TECPR1: variants seen among roughly 807,000 people sequenced by gnomAD.
TECPR1 encodes tectonin beta-propeller repeat containing 1.
In TECPR1, 122 loss-of-function variants were observed where a neutral mutation model predicts 162.4. That is an observed-to-expected ratio of 0.75 (90% CI 0.65 to 0.87). The LOEUF (loss-of-function observed/expected upper bound fraction) is 0.87. Among genes scored for constraint, TECPR1 ranks in the 40% least tolerant of loss-of-function variants. TECPR1 has a pLI of 0.00. For synonymous variants in TECPR1, 642 were observed against 670.6 expected (o/e 0.96, Z 0.66); for missense variants, 1,432 against 1,618.2 (o/e 0.88, Z 1.97).
At position 98,244,709 on chromosome 7, in the gene TECPR1, A is replaced by T. The variant is rs1798856918; in HGVS notation, c.409-16T>A. 6.2e-7 allele frequency: 1 copy of T among 1,601,050 alleles called. No individual in the cohort carries two copies. The highest frequency in any genetic ancestry group is 8.5e-7 in the Non-Finnish European group (1 of 1,171,392). ...ACGTCCACCCCTGAAACACCAAGGA[A>T]GGGGCTCTCAGGCTCTGCGGGGAAG... On this transcript the variant is annotated splice_polypyrimidine_tract_variant and intron_variant, in intron 4 of 25. Coordinates refer to ENST00000447648, the MANE Select transcript of TECPR1 (RefSeq NM_015395.3).
rs371532016 is a variant in TECPR1 at position 98,233,518 on chromosome 7, C to A, written c.1575G>T (p.Pro525=). Residue 525 remains proline, a synonymous_variant, in exon 11 of 26, where the codon CCG becomes CCT. Transcript: ENST00000447648. ...LGLLPLGLEE[P]YGVDDHPLWA... is the part of the protein sequence containing the mutation. ...ACAGCGGGTGGTCATCCACCCCATA[C>A]GGCTCCTCCAAGCCCAGTGGGAGGA... The A allele has an allele frequency of 1.2e-5, 19 of 1,564,678 alleles. No individual in the cohort carries two copies. The highest frequency in any genetic ancestry group is 1.6e-5 in the Non-Finnish European group (18 of 1,159,062).
At chr7:98,226,666 G>A (rs1431118424) in intron 17 of TECPR1, 4 of 1,148,072 alleles carry the variant, frequency 3.5e-6, no homozygotes, top group Non-Finnish European at 4.4e-6. Context: ...AGTGGCTCTC[G>A]CCTGATGATG....
At chr7:98,227,528 TAG>T (rs1057141243) in intron 17 of TECPR1, among the ~76,000 whole-genome samples, 1 of 151,052 alleles carries the variant, frequency 6.6e-6, no homozygotes, top group African/African-American at 2.4e-5. Flanking sequence ...TCAATACAGT[TAG>T]AGACTTCTGA....
At position 98,237,104 on chromosome 7, in the gene TECPR1, C is replaced by G. The variant is rs148583152; in HGVS notation, c.1036-183G>C. 4.6e-3 allele frequency among the ~76,000 whole-genome samples: 703 copies of G among 152,042 alleles called. 5 individuals are homozygous for G. Among genetic ancestry groups the G allele is most frequent in the Non-Finnish European group, 6.8e-3 (464 of 67,984 alleles). ...ATACTGGAAGGGGGCTCAGGAGAAG[C>G]TGCGACCTGGTCCCGTCTCCCTGAC... is the stretch of plus-strand genomic sequence containing the variant. On this transcript the variant is annotated intron_variant, in intron 9 of 25. Coordinates refer to ENST00000447648, the MANE Select transcript of TECPR1 (RefSeq NM_015395.3).
chr7:98,236,110 C>T (rs373264195), intron 10 of TECPR1, among the ~76,000 whole-genome samples: 22 of 152,322 alleles, frequency 1.4e-4, no homozygotes, highest in African/African-American at 5.1e-4. Flanking sequence ...ATGTCCCCAG[C>T]TCATCCACTG....
At chr7:98,240,725 T>C in intron 8 of TECPR1, 126 bp downstream of exon 8, 2 of 776,398 alleles carry the variant, frequency 2.6e-6, no homozygotes, top group South Asian at 4.3e-5. Context: ...TGGGTTTTTC[T>C]TTTTTTTTAA....
Position 98,221,658 on chromosome 7 carries a change from T to C in TECPR1, c.3157+3A>G. ...TTAAAAATTTAAAAAAAGAGCAACTTGCCATTCTCATCCAGGGCATACACC... is the reference window on the plus strand; with the variant it reads ...TTAAAAATTTAAAAAAAGAGCAACTCGCCATTCTCATCCAGGGCATACACC... On this transcript the variant is annotated splice_donor_region_variant and intron_variant, in intron 23 of 25. Transcript: ENST00000447648. 6.2e-7 allele frequency: 1 copy of C among 1,612,448 alleles called. No homozygotes were observed.
chr7:98,238,786 C>T (rs1481606744), intron 8 of TECPR1, among the ~76,000 whole-genome samples, 176 bp from the exon 9 acceptor site: 1 of 152,182 alleles, frequency 6.6e-6, no homozygotes, highest in East Asian at 1.9e-4. Flanking sequence ...CCGCTCTTCC[C>T]ACACCCTGAC....
chr7:98,230,913 C>A, intron 15 of TECPR1, 48 bp downstream of exon 15: 2 of 1,575,248 alleles, frequency 1.3e-6, no homozygotes, highest in Non-Finnish European at 1.7e-6. Flanking sequence ...ACCACGAGCT[C>A]GGGGTGAGGC....
At chr7:98,228,405 T>C in intron 16 of TECPR1, 1 of 397,584 alleles carries the variant, frequency 2.5e-6, no homozygotes, top group Non-Finnish European at 4.8e-6. Flanking sequence ...CACCTTGCCC[T>C]CCTACTTAGC....
At position 98,229,023 on chromosome 7, in the gene TECPR1, T is replaced by C. The variant is rs760677174; in HGVS notation, c.2410+16A>G. ...ACGCCCAGGAAGGCTCCGGGGGGGC[T>C]GTGGGCCGCCCTCACCTTGGAAGCA... On this transcript the variant is annotated intron_variant, in intron 16 of 25. Coordinates refer to ENST00000447648, the MANE Select transcript of TECPR1 (RefSeq NM_015395.3). 1.9e-6 allele frequency: 3 copies of C among 1,598,120 alleles called. No homozygotes were observed. The highest frequency in any genetic ancestry group is 1.1e-5 in the South Asian group (1 of 89,538).
intron 19 of TECPR1, 53 bp downstream of exon 19, chr7:98,224,748 G>C: frequency 2.0e-6 from 3 of 1,509,970 alleles, no homozygotes; most frequent in Non-Finnish European, 2.7e-6. Flanking sequence ...ACACACTCCA[G>C]GGCCCTGACA....
rs774125724 is a variant in TECPR1 at position 98,225,977 on chromosome 7, C to T, written c.2514-875G>A. Among the ~76,000 whole-genome samples, 3 of 152,316 alleles carry T rather than the reference C, an allele frequency of 2.0e-5. No individual in the cohort carries two copies. In the South Asian group the frequency reaches 6.2e-4, roughly 32 times the overall value. On this transcript the variant is annotated intron_variant, in intron 17 of 25. Transcript: ENST00000447648. The stretch of plus-strand genomic sequence containing the variant: ...CTGTGGTACTTTGTTAGTACCACCA[C>T]AGGACACTCGAGTGGCAGGAAGCAG...
chr7:98,244,576 C>T lies in TECPR1; in HGVS notation c.526G>A (p.Ala176Thr), dbSNP rs756186417. ...YRRYKSRDIW[A>T]KIPSKDDPKE... Reference sequence around the variant, plus strand: ...CCACATTCAGGAACAGAGACCTTGGCCCAGATGTCCCGGGACTTGTATCTC... The same window carrying T: ...CCACATTCAGGAACAGAGACCTTGGTCCAGATGTCCCGGGACTTGTATCTC... The change falls in exon 5 of 26, where the codon GCC becomes ACC. Residue 176 changes from alanine (A) to threonine (T), a missense_variant. Transcript: ENST00000447648. 1.3e-5 allele frequency: 21 copies of T among 1,606,916 alleles called. No individual in the cohort carries two copies. Among genetic ancestry groups the T allele is most frequent in the Non-Finnish European group, 1.6e-5 (19 of 1,175,532 alleles).
At chr7:98,221,872 CCA>C in intron 22 of TECPR1, 119 bp from the exon 23 acceptor site, 1 of 737,666 alleles carries the variant, frequency 1.4e-6, no homozygotes, top group Non-Finnish European at 2.3e-6. Flanking sequence ...CAGCTGTGTG[CCA>C]CACAGAGCTG....
At chr7:98,222,569 C>T in intron 21 of TECPR1, 48 bp from the exon 22 acceptor site, 1 of 1,540,666 alleles carries the variant, frequency 6.5e-7, no homozygotes, top group Non-Finnish European at 8.8e-7. Flanking sequence ...CCCCCACCCC[C>T]AGGGCCCCAC....
rs991838288 is a variant in TECPR1, at chr7:98,215,235, C to A, written c.*2155G>T. On this transcript the variant is annotated 3_prime_UTR_variant, in exon 26 of 26. Transcript: ENST00000447648. ...CCTGAGAGCTCCGAAGGCGCGATCC[C>A]CATCCCCACCAGTGGAGAAGCCAGA... The A allele has an allele frequency of 6.6e-6, 1 of 152,266 alleles. No individual in the cohort carries two copies. Among genetic ancestry groups the A allele is most frequent in the Non-Finnish European group, 1.5e-5 (1 of 68,066 alleles). The allele number at this position is 152,266 out of a possible 1,614,324, so 9.4% of individuals were successfully genotyped here.
At position 98,233,787 on chromosome 7, in the gene TECPR1, C is replaced by T. The variant is rs199645069; in HGVS notation, c.1306G>A (p.Asp436Asn). 1.7e-5 allele frequency: 28 copies of T among 1,611,686 alleles called. No homozygotes were observed. Among genetic ancestry groups the T allele is most frequent in the Admixed American group, 1.7e-4 (10 of 59,792 alleles). Reference protein sequence around the residue: ...GQILPAEPLDDSKNATGNSAS... With the variant: ...GQILPAEPLDNSKNATGNSAS... ...GAGTTCCCTGTGGCATTCTTGGAAT[C>T]GTCTAGAGGTTCTGCAGGGAGAATC... is the stretch of plus-strand genomic sequence containing the variant. Residue 436 changes from aspartate to asparagine, a missense_variant, in exon 11 of 26, where the codon GAT (aspartate) becomes AAT (asparagine). Asp to Asn is a conservative substitution (Grantham distance 23). Transcript: ENST00000447648.
In TECPR1 at chr7:98,236,978, C is replaced by T. The variant is rs960919602; in HGVS notation, c.1036-57G>A. ...TGGGCGCAGGCCCGGGGGCTCTTCT[C>T]GCTTCCTAGGGGTGCAAAATGCAGG... On this transcript the variant is annotated intron_variant, in intron 9 of 25. Coordinates refer to ENST00000447648, the MANE Select transcript of TECPR1 (RefSeq NM_015395.3). 6.8e-6 allele frequency: 10 copies of T among 1,468,774 alleles called. No homozygotes were observed. The South Asian group carries it at 8.4e-5, about 12-fold the overall frequency. The allele number at this position is 1,468,774 out of a possible 1,614,324, so 91.0% of individuals were successfully genotyped here. A position where few individuals can be genotyped will look rare whatever the true frequency, so the allele number is the denominator to read the frequency against.
Sources: gnomAD v4.1 joint callset for allele counts (sites outside exome capture counted in the v4.1 genomes callset) on GRCh38, gnomAD v4.1.1 for gene constraint, MANE v1.5 for transcripts, NCBI Gene and HGNC (gene_info 2026-07-23, HGNC 2026-07-21) for gene names.